Variants in CDC14A observed in about 807,000 individuals in gnomAD.
The protein encoded by CDC14A is dual specificity protein phosphatase CDC14A.
Under a neutral mutation model 74.4 loss-of-function variants are expected in CDC14A, and 53 were observed. The observed-to-expected ratio is 0.71, with a 90% CI of 0.57 to 0.89. The LOEUF (loss-of-function observed/expected upper bound fraction) is 0.89. CDC14A is among the 40% of genes least tolerant of loss of function. CDC14A has a pLI of 0.00. For missense variants in CDC14A, 646 were observed against 713.7 expected, an observed-to-expected ratio of 0.91 and a Z score of 1.08; for synonymous variants, 247 against 258.4, an observed-to-expected ratio of 0.96 and a Z score of 0.43.
At position 100,498,990 on chromosome 1, in the gene CDC14A, C is replaced by A; in HGVS notation, c.1483C>A (p.Pro495Thr). ...LGNLNAATDD[P>T]ENKKTSSSSK... ...GAACTTGAATGCTGCAACAGATGATCCAGAGAACAAAAAGACCTCCTCATC... is the reference window on the plus strand; with the variant it reads ...GAACTTGAATGCTGCAACAGATGATACAGAGAACAAAAAGACCTCCTCATC... The change falls in exon 15 of 16, where the codon CCA (proline) becomes ACA (threonine). Residue 495 changes from proline to threonine, a missense_variant. Coordinates refer to ENST00000336454, the MANE Select transcript of CDC14A (RefSeq NM_003672.4). 1 of 1,614,184 alleles carries A rather than the reference C, an allele frequency of 6.2e-7. No homozygotes were observed. Among genetic ancestry groups the A allele is most frequent in the Non-Finnish European group, 8.5e-7 (1 of 1,180,032 alleles).
chr1:100,400,116 T>C (rs1659068877), intron 4 of CDC14A, among the ~76,000 whole-genome samples: 1 of 152,210 alleles, frequency 6.6e-6, no homozygotes, highest in South Asian at 2.1e-4. Flanking sequence ...ATACAGAAAT[T>C]TTAACAGAAC....
chr1:100,418,137 T>C (rs1661766617), intron 4 of CDC14A, among the ~76,000 whole-genome samples: 1 of 152,228 alleles, frequency 6.6e-6, no homozygotes, highest in African/African-American at 2.4e-5. Context: ...TGAGGATTAA[T>C]GAACCAAGTT....
At chr1:100,494,485 G>C (rs74104803) in intron 11 of CDC14A, among the ~76,000 whole-genome samples, 2 of 152,098 alleles carry the variant, frequency 1.3e-5, no homozygotes, top group Non-Finnish European at 2.9e-5. Context: ...TGCATCTGTG[G>C]GCCCTTCTGT....
intron 15 of CDC14A, among the ~76,000 whole-genome samples, chr1:100,515,305 G>T (rs1167549079): frequency 6.6e-6 from 1 of 152,044 alleles, no homozygotes; most frequent in African/African-American, 2.4e-5. Flanking sequence ...AGGTCTCACA[G>T]TGTTAGTTAT....
At chr1:100,434,596 T>G (rs1664096392) in intron 5 of CDC14A, among the ~76,000 whole-genome samples, 1 of 152,116 alleles carries the variant, frequency 6.6e-6, no homozygotes, top group Non-Finnish European at 1.5e-5. Context: ...AAGAGATATT[T>G]AAGAGGTGAA....
intron 13 of CDC14A, 119 bp from the exon 14 acceptor site, chr1:100,497,966 A>G: frequency 9.6e-7 from 1 of 1,040,948 alleles, no homozygotes; most frequent in South Asian, 1.7e-5. Flanking sequence ...TGCTGTCATC[A>G]CTATTAGGAC....
intron 15 of CDC14A, among the ~76,000 whole-genome samples, chr1:100,499,967 C>G (rs966721676): frequency 6.6e-6 from 1 of 152,146 alleles, no homozygotes; most frequent in African/African-American, 2.4e-5. Context: ...CCAAACACAT[C>G]TTACCAATGA....
intron 5 of CDC14A, among the ~76,000 whole-genome samples, chr1:100,434,331 G>A (rs1270704250): frequency 6.6e-6 from 1 of 152,164 alleles, no homozygotes; most frequent in East Asian, 1.9e-4. Context: ...TGCAGGTTCT[G>A]TAGGAAGAGC....
intron 2 of CDC14A, among the ~76,000 whole-genome samples, chr1:100,358,733 C>T (rs2100887843): frequency 6.6e-6 from 1 of 152,218 alleles, no homozygotes; most frequent in East Asian, 1.9e-4. Flanking sequence ...ATTAATGCAT[C>T]CAGGAAGTTT....
chr1:100,378,295 CTTATT>C (rs1291896406), intron 3 of CDC14A, among the ~76,000 whole-genome samples: 1 of 151,804 alleles, frequency 6.6e-6, no homozygotes, highest in Non-Finnish European at 1.5e-5. Context: ...TTTTAGTAAA[CTTATT>C]TTATCACACA....
intron 10 of CDC14A, among the ~76,000 whole-genome samples, chr1:100,478,416 C>T (rs1008410116): frequency 1.3e-5 from 2 of 152,046 alleles, no homozygotes; most frequent in Non-Finnish European, 2.9e-5. Context: ...CTATCTGTGA[C>T]AGATAACCTA....
chr1:100,346,124 T>C (rs2051584307), intron 1 of CDC14A, among the ~76,000 whole-genome samples: 1 of 152,012 alleles, frequency 6.6e-6, no homozygotes, highest in Admixed American at 6.6e-5. Flanking sequence ...TGAGCTGAGA[T>C]TGTGCCACTG....
chr1:100,459,126 CAGAGAGAG>C (rs112078644), intron 8 of CDC14A, among the ~76,000 whole-genome samples: 20 of 144,686 alleles, frequency 1.4e-4, no homozygotes, highest in Admixed American at 9.6e-4. Context: ...CACACACACA[CAGAGAGAG>C]AGAGAGAGAG....
At chr1:100,461,242 C>T (rs1313306035) in intron 8 of CDC14A, among the ~76,000 whole-genome samples, 1 of 152,114 alleles carries the variant, frequency 6.6e-6, no homozygotes, top group Non-Finnish European at 1.5e-5. Context: ...AGGTTTAGTG[C>T]CTCCCATTTT....
chr1:100,411,447 A>T (rs1370527394), intron 4 of CDC14A, among the ~76,000 whole-genome samples: 1 of 152,098 alleles, frequency 6.6e-6, no homozygotes, highest in Non-Finnish European at 1.5e-5. Context: ...GAATGAAAGG[A>T]ATCTCCTATT....
chr1:100,484,555 G>A (rs1669838867), intron 11 of CDC14A, 104 bp downstream of exon 11: 2 of 1,350,730 alleles, frequency 1.5e-6, no homozygotes, highest in South Asian at 2.4e-5. Flanking sequence ...TGGATGCCAC[G>A]AGTACCAAGT....
chr1:100,470,063 G>A (rs974020330), intron 10 of CDC14A, among the ~76,000 whole-genome samples: 1 of 152,108 alleles, frequency 6.6e-6, no homozygotes, highest in Admixed American at 6.5e-5. Flanking sequence ...TATTCCTCAT[G>A]ATCATAAACA....
intron 2 of CDC14A, among the ~76,000 whole-genome samples, chr1:100,363,405 C>G (rs12569052): frequency 1.3e-5 from 2 of 152,148 alleles, no homozygotes; most frequent in Admixed American, 6.5e-5. Flanking sequence ...CAGTACCTGC[C>G]TAAGTAATTT....
intron 4 of CDC14A, among the ~76,000 whole-genome samples, chr1:100,405,157 C>G (rs977621410): frequency 1.3e-5 from 2 of 152,140 alleles, no homozygotes; most frequent in African/African-American, 4.8e-5. Context: ...TGTTTTCTCC[C>G]TAGTTTTTCT....
Sources: allele counts gnomAD v4.1 joint callset (sites outside exome capture counted in the v4.1 genomes callset), GRCh38; gene constraint gnomAD v4.1.1; transcripts MANE v1.5; gene names NCBI Gene and HGNC (gene_info 2026-07-23, HGNC 2026-07-21).